The following KIZ variants were observed in gnomAD, a reference collection of about 807,000 sequenced individuals.
The protein encoded by KIZ is kizuna centrosomal protein.
KIZ carries 68 observed loss-of-function variants against 79.6 expected under a neutral mutation model. The ratio of observed to expected loss-of-function variants is 0.85; its 90% CI spans 0.70 to 1.05. KIZ has a LOEUF of 1.05. KIZ is among the 50% of genes least tolerant of loss of function. The probability of loss-of-function intolerance (pLI) is 0.00; values close to 1 mark genes in which losing one functional copy is unlikely to be tolerated. For synonymous variants in KIZ, 280 were observed against 281.8 expected (o/e 0.99, Z 0.06); for missense variants, 797 against 800.4 (o/e 1.00, Z 0.05).
intron 6 of KIZ, among the ~76,000 whole-genome samples, chr20:21,173,413 A>G (rs527431206): frequency 3.3e-5 from 5 of 151,892 alleles, no homozygotes; most frequent in African/African-American, 1.2e-4. Context: ...CCCCATCTCT[A>G]CTAAAAATAT....
At chr20:21,199,647 G>A (rs2035506384) in intron 6 of KIZ, among the ~76,000 whole-genome samples, 2 of 152,116 alleles carry the variant, frequency 1.3e-5, no homozygotes, top group Admixed American at 1.3e-4. Context: ...GCTTCCTCTT[G>A]TGCCCCTTAG....
At chr20:21,132,294 A>T (rs933953436) in intron 2 of KIZ, 135 bp downstream of exon 2, 1 of 559,582 alleles carries the variant, frequency 1.8e-6, no homozygotes, top group African/African-American at 2.0e-5. Flanking sequence ...TTTTTTTGAG[A>T]TGGAGTCTTG....
chr20:21,129,479 A>G (rs1447293629), intron 1 of KIZ, among the ~76,000 whole-genome samples: 4 of 152,192 alleles, frequency 2.6e-5, no homozygotes, highest in Non-Finnish European at 5.9e-5. Flanking sequence ...TCACACCTAT[A>G]ATCCCGGCAC....
At chr20:21,187,984 A>G (rs1215464371) in intron 6 of KIZ, among the ~76,000 whole-genome samples, 1 of 152,176 alleles carries the variant, frequency 6.6e-6, no homozygotes, top group Non-Finnish European at 1.5e-5. Context: ...CCCAGAAGTA[A>G]GTTTCTCTCT....
intron 4 of KIZ, among the ~76,000 whole-genome samples, chr20:21,161,427 G>A (rs2033648704): frequency 1.3e-5 from 2 of 152,182 alleles, no homozygotes; most frequent in Non-Finnish European, 2.9e-5. Flanking sequence ...TGCTGCCCGG[G>A]TTCAAGTGAT....
At chr20:21,136,104 GAAAT>G (rs1323955272) in intron 2 of KIZ, among the ~76,000 whole-genome samples, 1 of 152,220 alleles carries the variant, frequency 6.6e-6, no homozygotes, top group East Asian at 1.9e-4. Flanking sequence ...TTAATTTTGA[GAAAT>G]AAATCCATAG....
intron 6 of KIZ, among the ~76,000 whole-genome samples, chr20:21,174,977 T>A (rs2034372270): frequency 6.6e-6 from 1 of 152,258 alleles, no homozygotes; most frequent in Non-Finnish European, 1.5e-5. Flanking sequence ...TCAGATGTGA[T>A]GATGCCTTCA....
intron 6 of KIZ, among the ~76,000 whole-genome samples, chr20:21,173,590 A>G (rs1365722931): frequency 6.9e-6 from 1 of 145,028 alleles, no homozygotes; most frequent in Non-Finnish European, 1.5e-5. Flanking sequence ...AAAAAAAAAA[A>G]AAAAAAGAAA....
intron 3 of KIZ, among the ~76,000 whole-genome samples, chr20:21,140,913 G>A (rs1008139274): frequency 3.9e-5 from 6 of 152,010 alleles, no homozygotes; most frequent in Non-Finnish European, 8.8e-5. Flanking sequence ...CTGAGATGGG[G>A]GGGGATCATT....
At chr20:21,132,291 G>T in intron 2 of KIZ, 132 bp downstream of exon 2, 1 of 561,748 alleles carries the variant, frequency 1.8e-6, no homozygotes, top group Non-Finnish European at 3.1e-6. Context: ...TAGTTTTTTT[G>T]AGATGGAGTC....
At chr20:21,126,909 T>C (rs1338949105) in intron 1 of KIZ, among the ~76,000 whole-genome samples, 1 of 152,228 alleles carries the variant, frequency 6.6e-6, no homozygotes, top group Non-Finnish European at 1.5e-5. Context: ...CTGGACCTCT[T>C]ATTTAGCTGC....
At chr20:21,197,142 C>A (rs1190180235) in intron 6 of KIZ, 1 of 152,066 alleles carries the variant, frequency 6.6e-6, no homozygotes, top group African/African-American at 2.4e-5. Flanking sequence ...ATCATGCATC[C>A]CTCAAAATAG....
Position 21,180,155 on chromosome 20 carries a change from T to C in KIZ, c.1352+16996T>C, listed in dbSNP as rs192092056. Among the ~76,000 whole-genome samples, 37 of 152,144 alleles carry C rather than the reference T, an allele frequency of 2.4e-4. No individual in the cohort carries two copies. The East Asian group carries it at 6.7e-3, about 28-fold the overall frequency. ...TATTATTGAAAATGGAATACTGAAG[T>C]CTCCCACCAGTATTATATTGCTATG... On this transcript the variant is annotated intron_variant, in intron 6 of 12. Transcript: ENST00000619189.
At chr20:21,157,094 A>G (rs896768057) in intron 4 of KIZ, among the ~76,000 whole-genome samples, 3 of 152,148 alleles carry the variant, frequency 2.0e-5, no homozygotes, top group African/African-American at 7.2e-5. Flanking sequence ...ATCTCTATAA[A>G]TAAAAAAAAA....
At chr20:21,244,487 A>G in intron 12 of KIZ, 199 bp downstream of exon 12, 1 of 591,146 alleles carries the variant, frequency 1.7e-6, no homozygotes, top group Non-Finnish European at 3.0e-6. Context: ...CACGGGTGCC[A>G]TGGACCACAG....
chr20:21,217,195 G>C (rs1166977626), intron 9 of KIZ, among the ~76,000 whole-genome samples: 1 of 152,254 alleles, frequency 6.6e-6, no homozygotes, highest in Admixed American at 6.5e-5. Flanking sequence ...AGGTGTTACT[G>C]TTCTGTCCTT....
rs561625389 is a variant in KIZ, at chr20:21,175,568, G to A, written c.1352+12409G>A. Among the ~76,000 whole-genome samples the A allele has an allele frequency of 4.6e-5, 7 of 152,262 alleles. 2 individuals are homozygous for A. The highest frequency in any genetic ancestry group is 1.7e-4 in the African/African-American group (7 of 41,558). ...TGAGAAGCACTTGGTGAAGGTCACA[G>A]CCCAGGTCACCAGAAGACTGAAACC... On this transcript the variant is annotated intron_variant, in intron 6 of 12. Transcript: ENST00000619189.
upstream of KIZ, chr20:21,126,005 A>T: frequency 7.6e-7 from 1 of 1,322,162 alleles, no homozygotes; most frequent in Non-Finnish European, 9.7e-7. Flanking sequence ...CGCCTCCTGC[A>T]GGCGGCCCGG....
chr20:21,196,690 A>G (rs2035356997), intron 6 of KIZ: 2 of 152,336 alleles, frequency 1.3e-5, no homozygotes, highest in Admixed American at 6.5e-5. Flanking sequence ...GGTCTGACCT[A>G]CAAGAACTGA....
Sources: gnomAD v4.1 joint callset for allele counts (sites outside exome capture counted in the v4.1 genomes callset) on GRCh38, gnomAD v4.1.1 for gene constraint, MANE v1.5 for transcripts, NCBI Gene and HGNC (gene_info 2026-07-23, HGNC 2026-07-21) for gene names.